Variants in NEBL observed in about 807,000 individuals in gnomAD.
The protein encoded by NEBL is LIM and SH3 protein 2.
NEBL carries 122 observed loss-of-function variants against 140.2 expected under a neutral mutation model. That is an observed-to-expected ratio of 0.87 (90% confidence interval 0.75 to 1.01). The LOEUF is 1.01. NEBL is among the 50% of genes least tolerant of loss of function. NEBL has a pLI of 0.00. For missense variants in NEBL, 1,365 were observed against 1,231.3 expected, an observed-to-expected ratio of 1.11 and a Z score of -1.62; for synonymous variants, 436 against 398.9, an observed-to-expected ratio of 1.09 and a Z score of -1.11.
chr10:20,886,220 C>T (rs1303494451), intron 4 of NEBL, among the ~76,000 whole-genome samples: 1 of 152,056 alleles, frequency 6.6e-6, no homozygotes, highest in Non-Finnish European at 1.5e-5. Flanking sequence ...GGTATCTCTA[C>T]TTAAAAAGAT....
At position 20,880,899 on chromosome 10, in the gene NEBL, G is replaced by C. The variant is rs1388644334; in HGVS notation, c.375C>G (p.Ala125=). 1 of 1,613,608 alleles carries C rather than the reference G, an allele frequency of 6.2e-7. No individual in the cohort carries two copies. Among genetic ancestry groups the C allele is most frequent in the Non-Finnish European group, 8.5e-7 (1 of 1,179,674 alleles). The part of the protein sequence containing the change: ...GEVTQLQSEV[A]YKQKHDAAKG... ...TGGCAGCATCATGTTTCTGCTTGTAGGCCACCTGAAAAACACAAATAATTT... is the reference window on the plus strand; with the variant it reads ...TGGCAGCATCATGTTTCTGCTTGTACGCCACCTGAAAAACACAAATAATTT... Residue 125 remains alanine (A), a synonymous_variant, in exon 5 of 28, where the codon GCC becomes GCG. Coordinates refer to ENST00000377122, the MANE Select transcript of NEBL (RefSeq NM_006393.3).
intron 14 of NEBL, among the ~76,000 whole-genome samples, chr10:20,832,033 C>G (rs1051564281): frequency 2.6e-5 from 4 of 152,146 alleles, no homozygotes; most frequent in African/African-American, 7.2e-5. Flanking sequence ...ACTCAATGTT[C>G]CCACTCCTAA....
chr10:21,283,119 G>A (rs1231529917), intron 1 of NEBL, among the ~76,000 whole-genome samples: 1 of 137,334 alleles, frequency 7.3e-6, no homozygotes, highest in Admixed American at 7.8e-5. Flanking sequence ...CTGGGCGACA[G>A]GGCAAGACTG....
chr10:21,265,688 G>T (rs1842789602), intron 1 of NEBL, among the ~76,000 whole-genome samples: 1 of 152,204 alleles, frequency 6.6e-6, no homozygotes, highest in African/African-American at 2.4e-5. Context: ...CTGGGAAACT[G>T]TATAAAACAG....
chr10:21,169,583 G>C (rs1170335174), intron 2 of NEBL, among the ~76,000 whole-genome samples: 1 of 152,102 alleles, frequency 6.6e-6, no homozygotes, highest in Non-Finnish European at 1.5e-5. Flanking sequence ...AGGGACCTTT[G>C]AGCCCAGAAC....
At position 20,845,277 on chromosome 10, in the gene NEBL, A is replaced by G. The variant is rs766378863; in HGVS notation, c.1208T>C (p.Ile403Thr). Residue 403 changes from isoleucine to threonine, a missense_variant, in exon 12 of 28, where the codon ATC becomes ACC. Transcript: ENST00000377122. ...TCGTACCTCCCTCAGAAGGTTGGTG[A>G]TGTACTTTACATGTAAAAATTCTGG... ...KTPEFLHVKY[I>T]TNLLREKEYK... 15 of 1,582,320 alleles carry G rather than the reference A, an allele frequency of 9.5e-6. No individual in the cohort carries two copies. In the East Asian group the frequency reaches 3.1e-4, roughly 33 times the overall value.
At chr10:21,088,802 GAT>G (rs1836770352) in intron 2 of NEBL, among the ~76,000 whole-genome samples, 1 of 152,210 alleles carries the variant, frequency 6.6e-6, no homozygotes, top group Non-Finnish European at 1.5e-5. Context: ...CAGCAACTAA[GAT>G]AAGAAGTATC....
chr10:21,045,316 A>C (rs1041144001), intron 2 of NEBL, among the ~76,000 whole-genome samples: 2 of 152,248 alleles, frequency 1.3e-5, no homozygotes, highest in African/African-American at 4.8e-5. Flanking sequence ...TAATTTACAC[A>C]TTTAAAGAAA....
chr10:20,811,700 A>AGTACC (rs1161893365), intron 24 of NEBL, among the ~76,000 whole-genome samples: 1 of 152,218 alleles, frequency 6.6e-6, no homozygotes, highest in African/African-American at 2.4e-5. Flanking sequence ...GCTTATCTCT[A>AGTACC]AATGGCCTTT....
chr10:21,265,060 T>A (rs967706770), intron 1 of NEBL, among the ~76,000 whole-genome samples: 4 of 151,930 alleles, frequency 2.6e-5, no homozygotes, highest in African/African-American at 7.3e-5. Flanking sequence ...GTAGCTGGGA[T>A]TACAGGTGTG....
intron 3 of NEBL, among the ~76,000 whole-genome samples, chr10:21,001,914 A>C (rs915442767): frequency 1.3e-5 from 2 of 152,164 alleles, no homozygotes; most frequent in Non-Finnish European, 2.9e-5. Flanking sequence ...CTGTTTTTCC[A>C]CCAACACTTA....
intron 2 of NEBL, among the ~76,000 whole-genome samples, chr10:21,040,285 G>C (rs185739116): frequency 1.3e-5 from 2 of 152,230 alleles, no homozygotes; most frequent in African/African-American, 4.8e-5. Flanking sequence ...AGAATCGCTC[G>C]AACCCAGGAG....
chr10:21,135,906 G>C (rs548101895), intron 2 of NEBL, among the ~76,000 whole-genome samples: 1 of 152,336 alleles, frequency 6.6e-6, no homozygotes, highest in Admixed American at 6.5e-5. Flanking sequence ...AATTAGCTAA[G>C]AGGCAAGGAA....
chr10:21,009,796 C>A (rs192591568), intron 3 of NEBL, among the ~76,000 whole-genome samples: 23 of 152,276 alleles, frequency 1.5e-4, no homozygotes, highest in African/African-American at 5.3e-4. Context: ...CCTTCTGAAG[C>A]TAATGGGTGC....
chr10:20,945,182 C>T (rs1295033686), intron 4 of NEBL, among the ~76,000 whole-genome samples: 4 of 152,294 alleles, frequency 2.6e-5, no homozygotes, highest in African/African-American at 7.2e-5. Flanking sequence ...TTCACCACTG[C>T]CAAGTCAGTC....
intron 3 of NEBL, among the ~76,000 whole-genome samples, chr10:20,971,620 T>G (rs1233428842): frequency 7.8e-6 from 1 of 127,512 alleles, no homozygotes; most frequent in Non-Finnish European, 1.6e-5. Context: ...GAATTTTTTT[T>G]TTTTTTTTTT....
At position 20,923,860 on chromosome 10, in the gene NEBL, G is replaced by T. The variant is rs989480159; in HGVS notation, c.357+37812C>A. ...TTGACTTAGAGCTCCTCATATCTAG[G>T]AACCCAGCAGGAATAAAAGGAGGGG... On this transcript the variant is annotated intron_variant, in intron 4 of 6. Coordinates refer to the NEBL transcript ENST00000417816. Among the ~76,000 whole-genome samples the T allele has an allele frequency of 7.3e-5, 11 of 151,664 alleles. No individual in the cohort carries two copies. In the East Asian group the frequency reaches 2.1e-3, roughly 30 times the overall value.
intron 2 of NEBL, among the ~76,000 whole-genome samples, chr10:21,120,834 T>C (rs1449327120): frequency 4.6e-5 from 7 of 152,112 alleles, no homozygotes; most frequent in Non-Finnish European, 8.8e-5. Flanking sequence ...CTGCGTCGGC[T>C]GCTATGAAGA....
At chr10:20,832,956 C>T (rs886765147) in intron 14 of NEBL, among the ~76,000 whole-genome samples, 19 of 152,126 alleles carry the variant, frequency 1.2e-4, no homozygotes, top group Non-Finnish European at 2.4e-4. Flanking sequence ...TTCAAAGCCC[C>T]AAAATGAAAT....
Sources: gnomAD v4.1 joint callset for allele counts (sites outside exome capture counted in the v4.1 genomes callset) on GRCh38, gnomAD v4.1.1 for gene constraint, MANE v1.5 for transcripts, NCBI Gene and HGNC (gene_info 2026-07-23, HGNC 2026-07-21) for gene names.